The following ITGBL1 variants were observed in gnomAD, a reference collection of about 807,000 sequenced individuals.
ITGBL1 encodes integrin beta-like protein 1.
In ITGBL1, 51 loss-of-function variants were observed where a neutral mutation model predicts 68.5. The observed-to-expected ratio is 0.74, with a 90% CI of 0.59 to 0.94. The LOEUF (loss-of-function observed/expected upper bound fraction) is 0.94, where lower values mean the gene tolerates loss of function less well. ITGBL1 is among the 40% of genes least tolerant of loss of function. The pLI is 0.00. For synonymous variants in ITGBL1, 209 were observed against 227.3 expected, an observed-to-expected ratio of 0.92 and a Z score of 0.72; for missense variants, 649 against 647.4, an observed-to-expected ratio of 1.00 and a Z score of -0.03.
chr13:101,482,624 C>T lies in ITGBL1; in HGVS notation c.316+28524C>T, dbSNP rs565648888. Among the ~76,000 whole-genome samples, 14 of 152,134 alleles carry T rather than the reference C, an allele frequency of 9.2e-5. No individual in the cohort carries two copies. The South Asian group carries it at 2.9e-3, about 32-fold the overall frequency. On this transcript the variant is annotated intron_variant, in intron 2 of 10. Transcript: ENST00000376180. The stretch of plus-strand genomic sequence containing the variant: ...ATGTTATGCTGTGTAATAATTTCCT[C>T]ATATACTTTCCATATATAGGCACTA...
chr13:101,688,403 T>C (rs1412894974), intron 7 of ITGBL1, among the ~76,000 whole-genome samples: 1 of 151,998 alleles, frequency 6.6e-6, no homozygotes, highest in Admixed American at 6.6e-5. Context: ...GAACACCGAG[T>C]AGGACTTTAC....
chr13:101,522,405 G>A (rs1391246122), intron 2 of ITGBL1, among the ~76,000 whole-genome samples: 2 of 152,136 alleles, frequency 1.3e-5, no homozygotes, highest in African/African-American at 4.8e-5. Context: ...GCCAGCCCTG[G>A]AGGTTATGAT....
chr13:101,705,464 A>G (rs945568385), intron 8 of ITGBL1, among the ~76,000 whole-genome samples: 1 of 151,842 alleles, frequency 6.6e-6, no homozygotes, highest in Admixed American at 6.6e-5. Flanking sequence ...ACTCTACTGC[A>G]TTTTTCACTG....
At chr13:101,460,352 C>T (rs1415342497) in intron 2 of ITGBL1, among the ~76,000 whole-genome samples, 1 of 152,200 alleles carries the variant, frequency 6.6e-6, no homozygotes, top group African/African-American at 2.4e-5. Context: ...ATAGTCTTCA[C>T]ATCGCTTGTA....
chr13:101,697,976 T>A (rs1025692735), intron 8 of ITGBL1, among the ~76,000 whole-genome samples: 1 of 152,198 alleles, frequency 6.6e-6, no homozygotes, highest in Admixed American at 6.5e-5. Context: ...AGCTGGTTTT[T>A]CCAAAGCAAT....
At chr13:101,714,180 A>G (rs1470407647) in intron 9 of ITGBL1, 3 of 428,778 alleles carry the variant, frequency 7.0e-6, no homozygotes, top group Non-Finnish European at 8.3e-6. Context: ...TCTCATTGAC[A>G]TTTCAACCAG....
intron 2 of ITGBL1, among the ~76,000 whole-genome samples, chr13:101,502,120 C>T (rs1248712047): frequency 6.6e-6 from 1 of 152,054 alleles, no homozygotes; most frequent in African/African-American, 2.4e-5. Flanking sequence ...TATAAGTACA[C>T]ACTTAAAAAA....
chr13:101,455,634 A>C (rs917072838), intron 2 of ITGBL1, among the ~76,000 whole-genome samples: 9 of 152,272 alleles, frequency 5.9e-5, no homozygotes, highest in Non-Finnish European at 2.9e-5. Context: ...ACTGCACTCC[A>C]GCCTGGGCAA....
Position 101,633,532 on chromosome 13 carries a change from C to T in ITGBL1, c.1015+35233C>T, listed in dbSNP as rs112489311. On this transcript the variant is annotated intron_variant, in intron 7 of 10. Coordinates refer to ENST00000376180, the MANE Select transcript of ITGBL1 (RefSeq NM_004791.3). Reference sequence around the variant, plus strand: ...TGTGAAACTCATGTGAGTTGTCAGCCAAAAAAACCAAGTGGAATGTGAGTC... The same window carrying T: ...TGTGAAACTCATGTGAGTTGTCAGCTAAAAAAACCAAGTGGAATGTGAGTC... Among the ~76,000 whole-genome samples, 1,230 of 152,036 alleles carry T rather than the reference C, an allele frequency of 8.1e-3. 21 individuals carry two copies. Among genetic ancestry groups the T allele is most frequent in the African/African-American group, 0.028 (1,157 of 41,492 alleles).
chr13:101,652,454 G>T (rs2032782347), intron 7 of ITGBL1, among the ~76,000 whole-genome samples: 1 of 152,128 alleles, frequency 6.6e-6, no homozygotes, highest in Non-Finnish European at 1.5e-5. Context: ...TCAAACAGTG[G>T]ACAAGGAATA....
chr13:101,594,123 C>T (rs895900545), intron 6 of ITGBL1, among the ~76,000 whole-genome samples: 59 of 152,126 alleles, frequency 3.9e-4, no homozygotes, highest in African/African-American at 1.4e-3. Context: ...CCCCAAATAA[C>T]TAAAGCAATC....
At chr13:101,637,427 A>T (rs1439000015) in intron 7 of ITGBL1, among the ~76,000 whole-genome samples, 2 of 145,454 alleles carry the variant, frequency 1.4e-5, no homozygotes, top group East Asian at 2.1e-4. Flanking sequence ...CACTGCAACC[A>T]CCGCCTCCTG....
chr13:101,678,484 G>A (rs2033559333), intron 7 of ITGBL1, among the ~76,000 whole-genome samples: 1 of 150,132 alleles, frequency 6.7e-6, no homozygotes, highest in African/African-American at 2.5e-5. Flanking sequence ...TATTAAGGAA[G>A]TGACAGATTC....
intron 7 of ITGBL1, among the ~76,000 whole-genome samples, chr13:101,690,699 A>C (rs1466950878): frequency 6.6e-6 from 1 of 152,116 alleles, no homozygotes; most frequent in East Asian, 1.9e-4. Flanking sequence ...CAACACTACT[A>C]ATAGATAGAG....
chr13:101,544,838 TAGGACCCTCCAAGTC>T (rs1398278740), intron 2 of ITGBL1, among the ~76,000 whole-genome samples: 6 of 152,320 alleles, frequency 3.9e-5, no homozygotes, highest in Admixed American at 3.3e-4. Flanking sequence ...TCCATGGTCA[TAGGACCCTCCAAGTC>T]AGGCGCGAGA....
At chr13:101,503,874 C>G (rs1337534208) in intron 2 of ITGBL1, among the ~76,000 whole-genome samples, 1 of 152,086 alleles carries the variant, frequency 6.6e-6, no homozygotes, top group African/African-American at 2.4e-5. Context: ...AAACAGCAGC[C>G]TGTGATAGGC....
chr13:101,671,775 C>G (rs564516707), intron 7 of ITGBL1, among the ~76,000 whole-genome samples: 1 of 152,110 alleles, frequency 6.6e-6, no homozygotes, highest in Admixed American at 6.5e-5. Context: ...GAAAAATTTA[C>G]TTTTTATCCC....
intron 7 of ITGBL1, among the ~76,000 whole-genome samples, chr13:101,650,847 T>G (rs939732731): frequency 6.6e-6 from 1 of 152,162 alleles, no homozygotes; most frequent in Non-Finnish European, 1.5e-5. Flanking sequence ...AGCCCACTGA[T>G]ATGTCCATGT....
intron 2 of ITGBL1, among the ~76,000 whole-genome samples, chr13:101,542,375 T>A (rs2049724060): frequency 6.6e-6 from 1 of 152,184 alleles, no homozygotes; most frequent in South Asian, 2.1e-4. Flanking sequence ...TTTGAGTGAG[T>A]TTCTTAATCC....
Sources: allele counts gnomAD v4.1 joint callset (sites outside exome capture counted in the v4.1 genomes callset), GRCh38; gene constraint gnomAD v4.1.1; transcripts MANE v1.5; gene names NCBI Gene and HGNC (gene_info 2026-07-23, HGNC 2026-07-21).